The following FARS2 variants were observed in gnomAD, a reference collection of about 807,000 sequenced individuals.
FARS2 encodes the protein phenylalanine--tRNA ligase, mitochondrial.
In FARS2, 40 loss-of-function variants were observed where a neutral mutation model predicts 46.4. That is an observed-to-expected ratio of 0.86 (90% CI 0.67 to 1.12). The LOEUF is 1.12. Ranked by LOEUF, FARS2 falls within the 50% of genes most tolerant of loss-of-function variation. The pLI, the probability that FARS2 is intolerant of heterozygous loss-of-function variation, is 0.00. For synonymous variants in FARS2, 234 were observed against 214.9 expected, an observed-to-expected ratio of 1.09 and a Z score of -0.78; for missense variants, 513 against 567.9, an observed-to-expected ratio of 0.90 and a Z score of 0.98.
At chr6:5,725,793 G>A (rs1459473558) in intron 6 of FARS2, among the ~76,000 whole-genome samples, 4 of 152,124 alleles carry the variant, frequency 2.6e-5, no homozygotes, top group African/African-American at 9.7e-5. Flanking sequence ...AAAATTAGCT[G>A]GGCGTGGCGC....
chr6:5,620,634 C>G (rs529052405), intron 6 of FARS2, among the ~76,000 whole-genome samples: 1 of 152,306 alleles, frequency 6.6e-6, no homozygotes, highest in South Asian at 2.1e-4. Context: ...CGTTTCTGCT[C>G]TTTTTTGTCT....
chr6:5,260,870 A>C (rs2127792466), upstream of FARS2: 1 of 1,459,950 alleles, frequency 6.8e-7, no homozygotes, highest in African/African-American at 1.4e-5. Context: ...GGCCGGGCCT[A>C]AGCCTAAGCG....
At chr6:5,692,180 G>A (rs912927432) in intron 6 of FARS2, among the ~76,000 whole-genome samples, 9 of 152,162 alleles carry the variant, frequency 5.9e-5, no homozygotes, top group South Asian at 2.1e-4. Flanking sequence ...TGCTCGGTGC[G>A]CTGCACCCAC....
At chr6:5,399,331 C>T (rs898103992) in intron 2 of FARS2, among the ~76,000 whole-genome samples, 1 of 151,852 alleles carries the variant, frequency 6.6e-6, no homozygotes, top group Non-Finnish European at 1.5e-5. Context: ...TGTGCCACCA[C>T]GCCTGGCTAA....
chr6:5,431,642 C>G (rs748301829), intron 4 of FARS2: 2 of 532,894 alleles, frequency 3.8e-6, no homozygotes, highest in Non-Finnish European at 7.7e-6. Flanking sequence ...GCCCCTAATG[C>G]TTAATCCATC....
chr6:5,720,976 C>T lies in FARS2; in HGVS notation c.1218-50315C>T, dbSNP rs528184699. 8.5e-5 allele frequency among the ~76,000 whole-genome samples: 13 copies of T among 152,254 alleles called. 1 individual carries two copies. In the South Asian group the frequency reaches 2.7e-3, roughly 32 times the overall value. On this transcript the variant is annotated intron_variant, in intron 6 of 6. Transcript: ENST00000274680. The stretch of plus-strand genomic sequence containing the variant: ...GCTGAGGTGAAAAAATTGTTTGAGG[C>T]CAGGAGGTCGAGGCTGCAGTGAGCT...
chr6:5,626,615 G>T (rs1776045836), intron 6 of FARS2, among the ~76,000 whole-genome samples: 1 of 152,108 alleles, frequency 6.6e-6, no homozygotes, highest in Non-Finnish European at 1.5e-5. Context: ...TTTCCCTCCA[G>T]GTAAACCCAT....
At chr6:5,322,899 AC>A (rs1016864266) in intron 1 of FARS2, among the ~76,000 whole-genome samples, 3 of 152,076 alleles carry the variant, frequency 2.0e-5, no homozygotes, top group Non-Finnish European at 4.4e-5. Flanking sequence ...ACATCTGATT[AC>A]CCTCTTTGTT....
At chr6:5,268,994 TAC>T (rs527660995) in intron 1 of FARS2, among the ~76,000 whole-genome samples, 1 of 152,318 alleles carries the variant, frequency 6.6e-6, no homozygotes, top group South Asian at 2.1e-4. Context: ...ACTGGGTATA[TAC>T]CCAAAGGATT....
At position 5,608,744 on chromosome 6, in the gene FARS2, T is replaced by G. The variant is rs143744667; in HGVS notation, c.1066-4425T>G. 2.7e-3 allele frequency among the ~76,000 whole-genome samples: 404 copies of G among 152,266 alleles called. 1 individual carries two copies. The highest frequency in any genetic ancestry group is 9.2e-3 in the African/African-American group (382 of 41,568). On this transcript the variant is annotated intron_variant, in intron 5 of 6. Transcript: ENST00000274680. ...CCATCAGTTCACCTACACCAAGGTT[T>G]CTGAAGACAATGGCTTCTCCACCCA...
intron 1 of FARS2, among the ~76,000 whole-genome samples, chr6:5,305,111 A>AGTCTTTTGGGTGCTGAATG (rs1768604114): frequency 1.3e-5 from 2 of 152,144 alleles, no homozygotes; most frequent in Admixed American, 6.5e-5. Context: ...GCTTGTGTGG[A>AGTCTTTTGGGTGCTGAATG]GAAGGATTTT....
At chr6:5,379,761 T>C (rs1048665990) in intron 2 of FARS2, among the ~76,000 whole-genome samples, 9 of 152,258 alleles carry the variant, frequency 5.9e-5, no homozygotes, top group African/African-American at 2.2e-4. Context: ...AGGAGCTGTG[T>C]TGCCACCTGC....
intron 6 of FARS2, among the ~76,000 whole-genome samples, chr6:5,657,510 G>A (rs1777656377): frequency 6.6e-6 from 1 of 152,164 alleles, no homozygotes; most frequent in South Asian, 2.1e-4. Context: ...GAGACCCAGA[G>A]GTTTCCCCTC....
chr6:5,714,007 T>A (rs1329602029), intron 6 of FARS2, among the ~76,000 whole-genome samples: 1 of 152,192 alleles, frequency 6.6e-6, no homozygotes, highest in African/African-American at 2.4e-5. Flanking sequence ...GGAAGCAAAC[T>A]TGAAGGGGAG....
At chr6:5,264,748 A>G (rs1010268885) in intron 1 of FARS2, among the ~76,000 whole-genome samples, 18 of 152,216 alleles carry the variant, frequency 1.2e-4, no homozygotes, top group African/African-American at 3.9e-4. Flanking sequence ...AGTCACAGTG[A>G]TGAGAGCTTC....
chr6:5,461,838 A>G (rs1010536973), intron 4 of FARS2, among the ~76,000 whole-genome samples: 10 of 152,162 alleles, frequency 6.6e-5, no homozygotes, highest in Admixed American at 6.5e-5. Flanking sequence ...GGGCGTTTAG[A>G]TCCTTTACAG....
At chr6:5,259,860 A>G (rs1764899942), upstream of FARS2, among the ~76,000 whole-genome samples, 1 of 152,238 alleles carries the variant, frequency 6.6e-6, no homozygotes, top group Admixed American at 6.5e-5. Flanking sequence ...CCATAAGAAA[A>G]TGATGGGTCA....
chr6:5,346,736 C>T (rs1431096736), intron 1 of FARS2, among the ~76,000 whole-genome samples: 1 of 151,870 alleles, frequency 6.6e-6, no homozygotes, highest in African/African-American at 2.4e-5. Flanking sequence ...GTCTATCCCT[C>T]TATCCTCCAA....
At chr6:5,577,925 C>T (rs1215283175) in intron 5 of FARS2, among the ~76,000 whole-genome samples, 1 of 152,082 alleles carries the variant, frequency 6.6e-6, no homozygotes, top group Non-Finnish European at 1.5e-5. Flanking sequence ...CCTTAGCCTC[C>T]CAAGTAGCTG....
Sources: allele counts gnomAD v4.1 joint callset (sites outside exome capture counted in the v4.1 genomes callset), GRCh38; gene constraint gnomAD v4.1.1; transcripts MANE v1.5; gene names NCBI Gene and HGNC (gene_info 2026-07-23, HGNC 2026-07-21).